The following DNAJC1 variants were observed in gnomAD, a reference collection of about 807,000 sequenced individuals.
The protein encoded by DNAJC1 is DnaJ heat shock protein family (Hsp40) member C1, also known as dnaJ homolog subfamily C member 1.
DNAJC1 carries 58 observed loss-of-function variants against 76.6 expected under a neutral mutation model. That is an observed-to-expected ratio of 0.76 (90% CI 0.61 to 0.94). DNAJC1 has a LOEUF of 0.94. Ranked by LOEUF, DNAJC1 falls within the 40% of genes least tolerant of loss-of-function variation. DNAJC1 has a pLI of 0.00. For missense variants in DNAJC1, 689 were observed against 677.3 expected, an observed-to-expected ratio of 1.02 and a Z score of -0.19; for synonymous variants, 258 against 267.9, an observed-to-expected ratio of 0.96 and a Z score of 0.36.
intron 1 of DNAJC1, among the ~76,000 whole-genome samples, chr10:21,933,969 C>T (rs1304721132): frequency 2.0e-5 from 3 of 151,712 alleles, no homozygotes; most frequent in Non-Finnish European, 4.4e-5. Flanking sequence ...ATTTACTATA[C>T]TATTATGGTT....
chr10:21,765,219 T>TA (rs978856999), intron 10 of DNAJC1, among the ~76,000 whole-genome samples: 4 of 152,146 alleles, frequency 2.6e-5, no homozygotes, highest in African/African-American at 9.7e-5. Flanking sequence ...TGAATTCTTT[T>TA]AAAAAAATTT....
chr10:21,803,820 C>A (rs1485720994), intron 9 of DNAJC1: 1 of 961,904 alleles, frequency 1.0e-6, no homozygotes. Context: ...ATATTTATTT[C>A]CAAGGTACCT....
intron 7 of DNAJC1, among the ~76,000 whole-genome samples, chr10:21,895,647 C>T (rs1836529182): frequency 1.3e-5 from 2 of 152,026 alleles, no homozygotes; most frequent in Admixed American, 1.3e-4. Context: ...GGGAGAATGC[C>T]AAGGGTGTCG....
chr10:22,001,016 CCATATAA>C (rs1838510429), intron 1 of DNAJC1, among the ~76,000 whole-genome samples: 1 of 152,212 alleles, frequency 6.6e-6, no homozygotes, highest in African/African-American at 2.4e-5. Flanking sequence ...CCTGCTCTGA[CCATATAA>C]CATTTATATT....
At chr10:21,922,285 G>T (rs1837054556) in intron 3 of DNAJC1, among the ~76,000 whole-genome samples, 1 of 151,858 alleles carries the variant, frequency 6.6e-6, no homozygotes, top group Non-Finnish European at 1.5e-5. Flanking sequence ...TTTATTACAG[G>T]CAACTTCTTT....
intron 1 of DNAJC1, among the ~76,000 whole-genome samples, chr10:21,935,871 CA>C (rs1052341021): frequency 3.9e-5 from 6 of 151,978 alleles, no homozygotes; most frequent in Non-Finnish European, 7.4e-5. Context: ...AACTATCCCT[CA>C]AAAACAAAAT....
chr10:21,913,132 A>G (rs1836895826), intron 6 of DNAJC1, among the ~76,000 whole-genome samples: 1 of 151,966 alleles, frequency 6.6e-6, no homozygotes, highest in African/African-American at 2.4e-5. Flanking sequence ...TTTTTATTTG[A>G]CTGGTGTTCT....
At position 21,835,855 on chromosome 10, in the gene DNAJC1, G is replaced by A. The variant is rs192610869; in HGVS notation, c.979-29756C>T. Among the ~76,000 whole-genome samples, 383 of 152,310 alleles carry A rather than the reference G, an allele frequency of 2.5e-3. 6 individuals carry two copies. The highest frequency in any genetic ancestry group is 0.023 in the Admixed American group (352 of 15,304). On this transcript the variant is annotated intron_variant, in intron 8 of 11. Coordinates refer to ENST00000376980, the MANE Select transcript of DNAJC1 (RefSeq NM_022365.4). The stretch of plus-strand genomic sequence containing the variant: ...AAGACCAAGTCTACGTCTGATTGGC[G>A]TACCTGAAAGTGACAGGGAGAATGG...
rs751319934 is a variant in DNAJC1 at position 21,759,232 on chromosome 10, A to C, written c.1534T>G (p.Tyr512Asp). The C allele has an allele frequency of 6.2e-7, 1 of 1,614,196 alleles. No individual in the cohort carries two copies. The highest frequency in any genetic ancestry group is 8.5e-7 in the Non-Finnish European group (1 of 1,180,032). ...CAGCGGTCAGAGGATCCCCTTGGGT[A>C]CTGCTGCAACGCCAGTTCCAGAAGT... ...QKLLELALQQ[Y>D]PRGSSDRWDK... The change falls in exon 11 of 12, where the codon TAC (tyrosine) becomes GAC (aspartate). Residue 512 changes from tyrosine to aspartate, a missense_variant. Transcript: ENST00000376980.
chr10:21,880,699 A>C (rs957223306), intron 8 of DNAJC1, among the ~76,000 whole-genome samples: 6 of 152,168 alleles, frequency 3.9e-5, no homozygotes, highest in Admixed American at 3.9e-4. Flanking sequence ...TCCAGGCTTT[A>C]TTGTTCCATT....
intron 8 of DNAJC1, among the ~76,000 whole-genome samples, chr10:21,828,801 T>C (rs1182532860): frequency 1.3e-5 from 2 of 152,230 alleles, no homozygotes; most frequent in East Asian, 1.9e-4. Flanking sequence ...ACCTACACTT[T>C]TTCTTTTTCA....
chr10:21,959,558 T>C (rs1171453948), intron 1 of DNAJC1, among the ~76,000 whole-genome samples: 1 of 151,778 alleles, frequency 6.6e-6, no homozygotes, highest in Non-Finnish European at 1.5e-5. Context: ...TGGGAAGCCA[T>C]GCAGATCACC....
chr10:21,987,972 T>C (rs1370012051), intron 1 of DNAJC1, among the ~76,000 whole-genome samples: 1 of 152,128 alleles, frequency 6.6e-6, no homozygotes, highest in Non-Finnish European at 1.5e-5. Context: ...TTCACTAACA[T>C]TGTATGTATT....
At chr10:21,986,410 A>G (rs921211286) in intron 1 of DNAJC1, among the ~76,000 whole-genome samples, 2 of 152,112 alleles carry the variant, frequency 1.3e-5, no homozygotes, top group Non-Finnish European at 2.9e-5. Context: ...AACTACTACT[A>G]TTGAGTACCT....
intron 1 of DNAJC1, among the ~76,000 whole-genome samples, chr10:21,964,166 C>T (rs1408476874): frequency 6.6e-6 from 1 of 152,136 alleles, no homozygotes; most frequent in African/African-American, 2.4e-5. Context: ...AATATTTGAA[C>T]TCTGATGACT....
chr10:21,776,144 T>C (rs1337506326), intron 9 of DNAJC1, among the ~76,000 whole-genome samples: 1 of 152,114 alleles, frequency 6.6e-6, no homozygotes, highest in Non-Finnish European at 1.5e-5. Flanking sequence ...GCATTCCCTC[T>C]AGTAAAAACA....
At chr10:21,942,412 T>C (rs897517503) in intron 1 of DNAJC1, among the ~76,000 whole-genome samples, 4 of 152,100 alleles carry the variant, frequency 2.6e-5, no homozygotes, top group African/African-American at 9.7e-5. Flanking sequence ...AGAGTTGACA[T>C]AGTAAGTAAA....
intron 8 of DNAJC1, among the ~76,000 whole-genome samples, chr10:21,831,407 G>C (rs1248901274): frequency 6.6e-6 from 1 of 152,158 alleles, no homozygotes; most frequent in Non-Finnish European, 1.5e-5. Context: ...CTCTGGTTTT[G>C]AGCTATTGTT....
chr10:21,966,868 G>A (rs914017692), intron 1 of DNAJC1, among the ~76,000 whole-genome samples: 2 of 151,498 alleles, frequency 1.3e-5, no homozygotes, highest in African/African-American at 2.4e-5. Context: ...TGTATTTTGG[G>A]TAGATACAGC....
Sources: gnomAD v4.1 joint callset for allele counts (sites outside exome capture counted in the v4.1 genomes callset) on GRCh38, gnomAD v4.1.1 for gene constraint, MANE v1.5 for transcripts, NCBI Gene and HGNC (gene_info 2026-07-23, HGNC 2026-07-21) for gene names.